MUC6: variants seen among roughly 807,000 people sequenced by gnomAD.
MUC6 encodes mucin-6.
In MUC6, 188 loss-of-function variants were observed where a neutral mutation model predicts 201.5. The ratio of observed to expected loss-of-function variants is 0.93; its 90% CI spans 0.83 to 1.05. The LOEUF (loss-of-function observed/expected upper bound fraction) is 1.05, where lower values mean the gene tolerates loss of function less well. Ranked by LOEUF, MUC6 falls within the 50% of genes least tolerant of loss-of-function variation. The pLI is 0.00. For missense variants in MUC6, 2,706 were observed against 3,256.9 expected (o/e 0.83, Z 4.12); for synonymous variants, 1,228 against 1,389.4 (o/e 0.88, Z 2.58).
rs1194816501 is a variant in MUC6 at position 1,026,568 on chromosome 11, C to T, written c.2395-90G>A. 12 of 1,352,056 alleles carry T rather than the reference C, an allele frequency of 8.9e-6. No homozygotes were observed. In the South Asian group the frequency reaches 1.2e-4, roughly 14 times the overall value. 83.8% of individuals were successfully genotyped at this position (1,352,056 alleles called of 1,614,324 possible). On this transcript the variant is annotated intron_variant, in intron 19 of 32. Transcript: ENST00000421673. ...GCCCCTCTGAGACTGCCCGGCGTGTCTCCCAGGTCCTCTCCCTGAATACAG... is the reference window on the plus strand; with the variant it reads ...GCCCCTCTGAGACTGCCCGGCGTGTTTCCCAGGTCCTCTCCCTGAATACAG...
In MUC6 at chr11:1,030,353, T is replaced by TCCGGTGAGAGGGTCCCACCCCCC; in HGVS notation, c.893-41_893-19dup. The TCCGGTGAGAGGGTCCCACCCCCC allele has an allele frequency of 6.5e-7, 1 of 1,545,506 alleles. No individual in the cohort carries two copies. Among genetic ancestry groups the TCCGGTGAGAGGGTCCCACCCCCC allele is most frequent in the Non-Finnish European group, 8.7e-7 (1 of 1,145,792 alleles). On this transcript the variant is annotated intron_variant, in intron 7 of 32. Coordinates refer to ENST00000421673, the MANE Select transcript of MUC6 (RefSeq NM_005961.3). ...ACCCACGGCTGTGGGCACACGCGGC[T>TCCGGTGAGAGGGTCCCACCCCCC]CCGGTGAGAGGGTCCCACCCCCCCC...
At position 1,031,885 on chromosome 11, in the gene MUC6, G is replaced by T. The variant is rs566709228; in HGVS notation, c.284C>A (p.Ser95Ter). The change falls in exon 3 of 33, where the codon TCG becomes TAG. Residue 95 changes from serine (S) to a stop codon, truncating the protein, a stop_gained. Coordinates refer to ENST00000421673, the MANE Select transcript of MUC6 (RefSeq NM_005961.3). LOFTEE classifies it high-confidence loss of function. ...GGCCCCCAGCTCCACGATGATCCGCGAGATGCTCCCGTCTGGGCCTCGCCG... is the reference window on the plus strand; with the variant it reads ...GGCCCCCAGCTCCACGATGATCCGCTAGATGCTCCCGTCTGGGCCTCGCCG... ...QLRRGPDGSI[S>*]RIIVELGASV... 1.2e-6 allele frequency: 2 copies of T among 1,613,066 alleles called. No homozygotes were observed. Among genetic ancestry groups the T allele is most frequent in the Non-Finnish European group, 8.5e-7 (1 of 1,179,886 alleles).
Position 1,024,916 on chromosome 11 carries a change from G to A in MUC6, c.3153C>T (p.Ala1051=), listed in dbSNP as rs1226068099. ...SFVTDPCSLN[A]FRRSWAERKC... ...TGCGCTCGGCCCAGGAGCGCCGGAA[G>A]GCATTGAGACTGCAGGGGTCTGTCA... The change falls in exon 24 of 33, where the codon GCC becomes GCT. Residue 1051 remains alanine, a synonymous_variant. Coordinates refer to ENST00000421673, the MANE Select transcript of MUC6 (RefSeq NM_005961.3). The A allele has an allele frequency of 6.2e-7, 1 of 1,612,866 alleles. No homozygotes were observed. The highest frequency in any genetic ancestry group is 8.5e-7 in the Non-Finnish European group (1 of 1,179,884).
intron 29 of MUC6, 130 bp from the exon 30 acceptor site, chr11:1,019,626 T>C: frequency 1.2e-6 from 1 of 827,840 alleles, no homozygotes; most frequent in African/African-American, 1.7e-5. Context: ...TTGGAGGGGC[T>C]CTTCCTCTTG....
chr11:1,020,878 C>A, intron 27 of MUC6, 144 bp from the exon 28 acceptor site: 1 of 1,102,610 alleles, frequency 9.1e-7, no homozygotes, highest in South Asian at 1.4e-5. Context: ...CCACCCTCCC[C>A]TCTCTCCCTT....
At position 1,027,504 on chromosome 11, in the gene MUC6, C is replaced by A; in HGVS notation, c.1995G>T (p.Thr665=). 6.2e-7 allele frequency: 1 copy of A among 1,612,384 alleles called. No homozygotes were observed. Among genetic ancestry groups the A allele is most frequent in the Non-Finnish European group, 8.5e-7 (1 of 1,179,760 alleles). The stretch of plus-strand genomic sequence containing the variant: ...TGTTGTAGCTGAAGGTGGTGTTACC[C>A]GTGCAGGGGATGGCTGTGGGGGACC... ...SSVDNCTIPC[T]GNTTFSYNSQ... is the part of the protein sequence containing the mutation. Residue 665 remains threonine (T), a synonymous_variant, in exon 17 of 33, where the codon ACG becomes ACT. Transcript: ENST00000421673.
In MUC6 at chr11:1,031,615, G is replaced by A; in HGVS notation, c.475C>T (p.His159Tyr). Residue 159 changes from histidine (H) to tyrosine (Y), a missense_variant, in exon 4 of 33, where the codon CAC becomes TAC. By Grantham distance (83) the His-to-Tyr change is moderately conservative. Transcript: ENST00000421673. ...GGCCCTTCTCTCCTCACCATGAGGTGGCTGTCAGGACCCCACACGACTTCC... is the reference window on the plus strand; with the variant it reads ...GGCCCTTCTCTCCTCACCATGAGGTAGCTGTCAGGACCCCACACGACTTCC... Reference protein sequence around the residue: ...ELEVVWGPDSHLMVLVERKYM... With the variant: ...ELEVVWGPDSYLMVLVERKYM... 1 of 1,548,572 alleles carries A rather than the reference G, an allele frequency of 6.5e-7. No homozygotes were observed.
At chr11:1,020,313 C>T (rs1435514380) in intron 28 of MUC6, 56 bp from the exon 29 acceptor site, 1 of 1,537,972 alleles carries the variant, frequency 6.5e-7, no homozygotes, top group Non-Finnish European at 8.8e-7. Context: ...CCTTGGGGAG[C>T]ACCCTCCCCT....
chr11:1,016,136 A>AG lies in MUC6; in HGVS notation c.6664dup (p.Leu2222ProfsTer152). 6.2e-7 allele frequency: 1 copy of AG among 1,613,562 alleles called. No homozygotes were observed. Among genetic ancestry groups the AG allele is most frequent in the Non-Finnish European group, 8.5e-7 (1 of 1,179,760 alleles). On this transcript the variant is annotated frameshift_variant, in exon 31 of 33. Transcript: ENST00000421673. LOFTEE classifies it high-confidence loss of function. ...AGTGGATATGGGGAGTAGAGCAGAG[A>AG]GGGTGAAAGGAGAGGAGATAGTGTG...
Position 1,013,670 on chromosome 11 carries a change from C to T in MUC6, c.7143-37G>A, listed in dbSNP as rs1162366960. On this transcript the variant is annotated intron_variant, in intron 32 of 32. Coordinates refer to ENST00000421673, the MANE Select transcript of MUC6 (RefSeq NM_005961.3). ...TCAAGACAGAGCAGGGTCATGACTG[C>T]TGCAGGGGCATAAGGCCCCTCCCTC... is the stretch of plus-strand genomic sequence containing the variant. The T allele has an allele frequency of 3.2e-6, 5 of 1,539,770 alleles. No individual in the cohort carries two copies. In the African/African-American group the frequency reaches 6.9e-5, roughly 21 times the overall value.
Position 1,019,508 on chromosome 11 carries a change from A to G in MUC6, c.3809-12T>C. On this transcript the variant is annotated splice_polypyrimidine_tract_variant and intron_variant, in intron 29 of 32. Coordinates refer to ENST00000421673, the MANE Select transcript of MUC6 (RefSeq NM_005961.3). ...TGGTCTAGGTGGTTCTGCAGAGGAC[A>G]GCCGCCCGGAACATCCCCTTGCTGT... 1.2e-6 allele frequency: 2 copies of G among 1,608,708 alleles called. No homozygotes were observed. The highest frequency in any genetic ancestry group is 1.7e-6 in the Non-Finnish European group (2 of 1,176,292).
At chr11:1,020,841 G>T (rs1313497170) in intron 27 of MUC6, 107 bp from the exon 28 acceptor site, 2 of 1,414,018 alleles carry the variant, frequency 1.4e-6, no homozygotes, top group Non-Finnish European at 1.9e-6. Flanking sequence ...CAAGGCTGTG[G>T]TGGAGGGGAC....
chr11:1,020,372 T>C, intron 28 of MUC6, 115 bp from the exon 29 acceptor site: 1 of 1,349,842 alleles, frequency 7.4e-7, no homozygotes, highest in Non-Finnish European at 1.0e-6. Flanking sequence ...GCCAATGATG[T>C]GCAGTTGAGG....
At position 1,013,618 on chromosome 11, in the gene MUC6, G is replaced by T; in HGVS notation, c.7158C>A (p.Thr2386=). The change falls in exon 33 of 33, where the codon ACC becomes ACA. Residue 2386 remains threonine, a synonymous_variant. Coordinates refer to ENST00000421673, the MANE Select transcript of MUC6 (RefSeq NM_005961.3). Reference sequence around the variant, plus strand: ...AGCTGCAGCGGGCATCCACCTGCTGGGTGATGATGTTGAAGCTGCCGAGAA... The same window carrying T: ...AGCTGCAGCGGGCATCCACCTGCTGTGTGATGATGTTGAAGCTGCCGAGAA... The part of the protein sequence containing the change: ...CISAASFNII[T]QQVDARCSCC... 6.4e-7 allele frequency: 1 copy of T among 1,563,626 alleles called. No homozygotes were observed. Among genetic ancestry groups the T allele is most frequent in the South Asian group, 1.2e-5 (1 of 84,868 alleles).
At position 1,025,028 on chromosome 11, in the gene MUC6, T is replaced by C. The variant is rs1278988381; in HGVS notation, c.3041A>G (p.Glu1014Gly). The change falls in exon 24 of 33, where the codon GAG (glutamate) becomes GGG (glycine). Residue 1014 changes from glutamate (E) to glycine (G), a missense_variant. Glu to Gly is a moderately conservative substitution (Grantham distance 98). Coordinates refer to ENST00000421673, the MANE Select transcript of MUC6 (RefSeq NM_005961.3). ...GGATGCCACGTACCTGCTGCGCGTCTCGAAGTCGTCCTTCATGTTCCCGTT... is the reference window on the plus strand; with the variant it reads ...GGATGCCACGTACCTGCTGCGCGTCCCGAAGTCGTCCTTCATGTTCCCGTT... ...NFNGNMKDDF[E>G]TRSRYVASSE... is the part of the protein sequence containing the mutation. The C allele has an allele frequency of 6.2e-7, 1 of 1,612,884 alleles. No homozygotes were observed. Among genetic ancestry groups the C allele is most frequent in the Non-Finnish European group, 8.5e-7 (1 of 1,179,834 alleles).
chr11:1,019,950 G>C, intron 29 of MUC6, 140 bp downstream of exon 29: 1 of 1,170,222 alleles, frequency 8.5e-7, no homozygotes, highest in Non-Finnish European at 1.2e-6. Context: ...TGGCTCCCAA[G>C]CATAGGAAGT....
In MUC6 at chr11:1,018,008, G is replaced by T; in HGVS notation, c.4793C>A (p.Thr1598Asn). Residue 1598 changes from threonine (T) to asparagine (N), a missense_variant, in exon 31 of 33, where the codon ACC becomes AAC. By Grantham distance (65) the Thr-to-Asn change is moderately conservative. This residue lies in a region of MUC6 where 32 missense variants were observed against 181.6 expected (regional missense o/e 0.18). Transcript: ENST00000421673. Reference protein sequence around the residue: ...TGPMTATSFKTTTTYPTPSHP... With the variant: ...TGPMTATSFKNTTTYPTPSHP... ...TGATGGGGTTGGATAGGTAGTGGTG[G>T]TCTTGAAGGATGTTGCCGTCATGGG... is the stretch of plus-strand genomic sequence containing the variant. 1 of 1,613,942 alleles carries T rather than the reference G, an allele frequency of 6.2e-7. No homozygotes were observed. The highest frequency in any genetic ancestry group is 1.3e-5 in the African/African-American group (1 of 75,084).
In MUC6 at chr11:1,013,292, C is replaced by T. The variant is rs1177532784; in HGVS notation, c.*164G>A. On this transcript the variant is annotated 3_prime_UTR_variant, in exon 33 of 33. Transcript: ENST00000421673. ...GTAGTCTGAGCCCCTGCTTGGCAGCCCCTCTCCAACCGGTGCCCCAGGGAG... is the reference window on the plus strand; with the variant it reads ...GTAGTCTGAGCCCCTGCTTGGCAGCTCCTCTCCAACCGGTGCCCCAGGGAG... 13 of 667,046 alleles carry T rather than the reference C, an allele frequency of 1.9e-5. No homozygotes were observed. Among genetic ancestry groups the T allele is most frequent in the Non-Finnish European group, 2.2e-5 (9 of 400,302 alleles). The allele number at this position is 667,046 out of a possible 1,614,324, so 41.3% of individuals were successfully genotyped here.
chr11:1,015,271 G>A (rs946975442), intron 31 of MUC6, among the ~76,000 whole-genome samples: 1 of 152,222 alleles, frequency 6.6e-6, no homozygotes, highest in Non-Finnish European at 1.5e-5. Flanking sequence ...CAGGTGCCCT[G>A]GTTGCCAGGT....
Sources: allele counts gnomAD v4.1 joint callset (sites outside exome capture counted in the v4.1 genomes callset), GRCh38; gene constraint gnomAD v4.1.1; regional missense constraint gnomAD v4.1.1; transcripts MANE v1.5; gene names NCBI Gene and HGNC (gene_info 2026-07-23, HGNC 2026-07-21).